Variants in CLIP2 observed in about 807,000 individuals in gnomAD.
CLIP2 encodes CAP-Gly domain containing linker protein 2.
CLIP2 carries 41 observed loss-of-function variants against 111.7 expected under a neutral mutation model. The observed-to-expected ratio is 0.37, with a 90% CI of 0.29 to 0.48. CLIP2 has a LOEUF of 0.48. CLIP2 is among the 20% of genes least tolerant of loss of function. The pLI is 0.99. For synonymous variants in CLIP2, 660 were observed against 644.2 expected, an observed-to-expected ratio of 1.02 and a Z score of -0.37; for missense variants, 1,160 against 1,422.1, an observed-to-expected ratio of 0.82 and a Z score of 2.96.
chr7:74,364,887 G>A (rs1790432714), intron 8 of CLIP2: 3 of 455,390 alleles, frequency 6.6e-6, no homozygotes, highest in African/African-American at 4.0e-5. Context: ...GCCAAGCATG[G>A]TCATGTGCAC....
At chr7:74,349,758 C>A (rs187677898) in intron 3 of CLIP2, among the ~76,000 whole-genome samples, 1 of 151,102 alleles carries the variant, frequency 6.6e-6, no homozygotes, top group Non-Finnish European at 1.5e-5. Flanking sequence ...GCATTACAGG[C>A]GTGCACCACC....
intron 6 of CLIP2, among the ~76,000 whole-genome samples, chr7:74,359,630 C>T (rs1790267819): frequency 1.3e-5 from 2 of 152,204 alleles, no homozygotes; most frequent in African/African-American, 4.8e-5. Flanking sequence ...GCTGAGATTA[C>T]AGGCAGGAGC....
In CLIP2 at chr7:74,357,326, C is replaced by T; in HGVS notation, c.1064C>T (p.Thr355Met). 1 of 1,614,146 alleles carries T rather than the reference C, an allele frequency of 6.2e-7. No homozygotes were observed. Among genetic ancestry groups the T allele is most frequent in the African/African-American group, 1.3e-5 (1 of 75,060 alleles). Residue 355 changes from threonine to methionine, a missense_variant, in exon 6 of 17, where the codon ACG becomes ATG. Coordinates refer to ENST00000223398, the MANE Select transcript of CLIP2 (RefSeq NM_003388.5). ...SRYARKISGT[T>M]ALQEALKEKQ... ...TACGCCCGCAAGATCTCGGGCACCA[C>T]GGCCTTGCAGGAGGCACTGAAGGAG...
chr7:74,387,766 C>T (rs1256474082), intron 12 of CLIP2, among the ~76,000 whole-genome samples: 1 of 152,208 alleles, frequency 6.6e-6, no homozygotes, highest in African/African-American at 2.4e-5. Flanking sequence ...CGTGTGATAT[C>T]GCTCCCCACA....
At chr7:74,305,716 A>T (rs1788460728) in intron 1 of CLIP2, among the ~76,000 whole-genome samples, 1 of 151,342 alleles carries the variant, frequency 6.6e-6, no homozygotes, top group Non-Finnish European at 1.5e-5. Context: ...CTGGTCTTGA[A>T]CTCCTGACCT....
rs528526759 is a variant in CLIP2 at position 74,383,697 on chromosome 7, G to T, written c.2480-2824G>T. On this transcript the variant is annotated intron_variant, in intron 11 of 16. Coordinates refer to ENST00000223398, the MANE Select transcript of CLIP2 (RefSeq NM_003388.5). The stretch of plus-strand genomic sequence containing the variant: ...GGTTTCCAAAACATTCTCATGGGCT[G>T]GATTTGGTGGCTTACACCTGTAATT... Among the ~76,000 whole-genome samples the T allele has an allele frequency of 4.6e-5, 7 of 152,262 alleles. No homozygotes were observed. In the East Asian group the frequency reaches 1.2e-3, roughly 25 times the overall value.
intron 3 of CLIP2, among the ~76,000 whole-genome samples, chr7:74,343,796 G>A (rs1263798076): frequency 2.6e-5 from 4 of 152,042 alleles, no homozygotes; most frequent in Non-Finnish European, 5.9e-5. Context: ...CCAGCTACTG[G>A]GGAGACTGAG....
intron 16 of CLIP2, among the ~76,000 whole-genome samples, chr7:74,402,376 G>T (rs1333711596): frequency 6.6e-6 from 1 of 151,198 alleles, no homozygotes; most frequent in Non-Finnish European, 1.5e-5. Context: ...AATTAGCTGG[G>T]TAGGGTGGCG....
chr7:74,348,590 C>A (rs1378373875), intron 3 of CLIP2, among the ~76,000 whole-genome samples: 2 of 151,512 alleles, frequency 1.3e-5, no homozygotes, highest in Admixed American at 6.6e-5. Flanking sequence ...GAGATCGAGA[C>A]CATCCTGGCT....
rs782326408 is a variant in CLIP2 at position 74,338,866 on chromosome 7, G to A, written c.540G>A (p.Leu180=). The A allele has an allele frequency of 1.1e-5, 18 of 1,608,238 alleles. No individual in the cohort carries two copies. The highest frequency in any genetic ancestry group is 1.4e-5 in the Non-Finnish European group (17 of 1,179,928). Residue 180 remains leucine (L), a synonymous_variant, in exon 3 of 17, where the codon CTG becomes CTA. Transcript: ENST00000223398. This position sits in a 1 kb window ranked among gnomAD's most constrained non-coding sequence, Gnocchi z 4.3. ...ATTCGGGCACGGCCACGCCCCCGCT[G>A]ACCAGCCGCGTCATCCCCCTGCGGG... ...SLHSGTATPP[L]TSRVIPLRES... is the part of the protein sequence containing the mutation.
chr7:74,396,356 G>A (rs1791448032), intron 13 of CLIP2, among the ~76,000 whole-genome samples: 1 of 152,108 alleles, frequency 6.6e-6, no homozygotes, highest in South Asian at 2.1e-4. Context: ...GAGGCCAGGA[G>A]TTCAAGATGA....
In CLIP2 at chr7:74,376,367, A is replaced by C. The variant is rs782198748; in HGVS notation, c.1966A>C (p.Ile656Leu). ...CGAGCTGAAGGCAGTGATGGAGGGC[A>C]TCAAGATGGAGCACCAGCTGGAGCT... ...IGELKAVMEGIKMEHQLELGN... is the reference protein window; with the variant it reads ...IGELKAVMEGLKMEHQLELGN... The change falls in exon 10 of 17, where the codon ATC (isoleucine) becomes CTC (leucine). Residue 656 changes from isoleucine to leucine, a missense_variant. This residue lies in a region of CLIP2 where 676 missense variants were observed against 777.8 expected (regional missense o/e 0.87). Coordinates refer to ENST00000223398, the MANE Select transcript of CLIP2 (RefSeq NM_003388.5). This position sits in a 1 kb window ranked among gnomAD's most constrained non-coding sequence, Gnocchi z 7.1. The C allele has an allele frequency of 6.2e-7, 1 of 1,614,068 alleles. No homozygotes were observed.
In CLIP2 at chr7:74,317,581, G is replaced by A. The variant is rs151111065; in HGVS notation, c.35G>A (p.Arg12His). 3.1e-4 allele frequency: 469 copies of A among 1,494,460 alleles called. No individual in the cohort carries two copies. The highest frequency in any genetic ancestry group is 3.8e-4 in the Non-Finnish European group (429 of 1,115,568). The allele number at this position is 1,494,460 out of a possible 1,614,324, so 92.6% of individuals were successfully genotyped here. A position where few individuals can be genotyped will look rare whatever the true frequency, so the allele number is the denominator to read the frequency against. Residue 12 changes from arginine (R) to histidine (H), a missense_variant, in exon 2 of 17, where the codon CGT becomes CAT. Arg to His is a conservative substitution (Grantham distance 29). Transcript: ENST00000223398. ...QKPSGLKPPG[R>H]GGKHSSPMGR... ...CCCAGCGGCCTGAAGCCCCCCGGCC[G>A]TGGGGGGAAGCACTCCAGCCCCATG... is the stretch of plus-strand genomic sequence containing the variant.
intron 1 of CLIP2, among the ~76,000 whole-genome samples, chr7:74,301,933 G>A (rs999771125): frequency 6.6e-6 from 1 of 151,446 alleles, no homozygotes; most frequent in Non-Finnish European, 1.5e-5. Flanking sequence ...GGCTGGTCTC[G>A]AACTGCTGGC....
chr7:74,376,031 C>T lies in CLIP2; in HGVS notation c.1630C>T (p.Arg544Trp), dbSNP rs1380798349. The T allele has an allele frequency of 6.2e-6, 10 of 1,612,904 alleles. No individual in the cohort carries two copies. Among genetic ancestry groups the T allele is most frequent in the Non-Finnish European group, 8.5e-6 (10 of 1,179,918 alleles). Residue 544 changes from arginine (R) to tryptophan (W), a missense_variant, in exon 10 of 17, where the codon CGG (arginine) becomes TGG (tryptophan). Around this residue, in one of 5 missense-constraint regions of CLIP2, gnomAD observed 676 missense variants for 777.8 expected, o/e 0.87. Transcript: ENST00000223398. The surrounding 1 kb of genome is among the most constrained non-coding windows in gnomAD (Gnocchi z 7.1). ...CCACCCAGACGCCGCCGAGATCCTG[C>T]GGCTACGGGAGCGGCTGCTCTCGGC... ...PDHPDAAEIL[R>W]LRERLLSASK... is the part of the protein sequence containing the mutation.
At chr7:74,402,038 G>A (rs1791637033) in intron 16 of CLIP2, among the ~76,000 whole-genome samples, 1 of 152,132 alleles carries the variant, frequency 6.6e-6, no homozygotes, top group Admixed American at 6.6e-5. Flanking sequence ...CGAGGCCGGT[G>A]GGTCACTTGA....
chr7:74,289,422 C>T lies in CLIP2; in HGVS notation c.-380C>T, dbSNP rs1252423555. ...TGCGCCGGCCCCTTTTGTTCCCTCC[C>T]GGAGCCGGGCCGCTGGCTCCGCTGG... is the stretch of plus-strand genomic sequence containing the variant. On this transcript the variant is annotated 5_prime_UTR_variant, in exon 1 of 17. Coordinates refer to ENST00000223398, the MANE Select transcript of CLIP2 (RefSeq NM_003388.5). The T allele has an allele frequency of 6.6e-6, 1 of 150,994 alleles. No individual in the cohort carries two copies. Among genetic ancestry groups the T allele is most frequent in the Non-Finnish European group, 1.5e-5 (1 of 67,516 alleles). The allele number at this position is 150,994 out of a possible 1,614,324, so 9.4% of individuals were successfully genotyped here. A position where few individuals can be genotyped will look rare whatever the true frequency, so the allele number is the denominator to read the frequency against.
chr7:74,312,191 G>A (rs782367939), intron 1 of CLIP2, among the ~76,000 whole-genome samples: 3 of 152,286 alleles, frequency 2.0e-5, no homozygotes, highest in Middle Eastern at 3.4e-3. Flanking sequence ...GGAGATTGCA[G>A]TGAGCTGAGA....
intron 1 of CLIP2, among the ~76,000 whole-genome samples, chr7:74,303,593 TA>T (rs372864161): frequency 4.2e-5 from 6 of 144,138 alleles, no homozygotes; most frequent in South Asian, 2.1e-4. Flanking sequence ...TTGTGTCTCT[TA>T]TTTTTTTTTT....
Sources: allele counts gnomAD v4.1 joint callset (sites outside exome capture counted in the v4.1 genomes callset), GRCh38; gene constraint gnomAD v4.1.1; regional missense constraint gnomAD v4.1.1; non-coding constraint Gnocchi (gnomAD v3.1); transcripts MANE v1.5; gene names NCBI Gene and HGNC (gene_info 2026-07-23, HGNC 2026-07-21).